The following DLGAP2 variants were observed in gnomAD, a reference collection of about 807,000 sequenced individuals.
DLGAP2 encodes disks large-associated protein 2.
DLGAP2 carries 26 observed loss-of-function variants against 100.3 expected under a neutral mutation model. The ratio of observed to expected loss-of-function variants is 0.26; its 90% CI spans 0.19 to 0.36. DLGAP2 has a LOEUF of 0.36. Among genes scored for constraint, DLGAP2 ranks in the 10% least tolerant of loss-of-function variants. The probability of loss-of-function intolerance (pLI) is 1.00; values close to 1 mark genes in which losing one functional copy is unlikely to be tolerated. For synonymous variants in DLGAP2, 886 were observed against 630.1 expected, an observed-to-expected ratio of 1.41 and a Z score of -6.08; for missense variants, 1,858 against 1,453.2, an observed-to-expected ratio of 1.28 and a Z score of -4.53.
intron 1 of DLGAP2, among the ~76,000 whole-genome samples, chr8:898,015 C>T (rs1391935290): frequency 6.6e-6 from 1 of 151,116 alleles, no homozygotes; most frequent in Non-Finnish European, 1.5e-5. Flanking sequence ...GAGTGAGCTC[C>T]CGCCACGTGT....
intron 3 of DLGAP2, among the ~76,000 whole-genome samples, chr8:1,315,055 G>A (rs1319086072): frequency 6.6e-6 from 1 of 152,208 alleles, no homozygotes; most frequent in Non-Finnish European, 1.5e-5. Flanking sequence ...GGTTTTCTAA[G>A]TGACGCTTTT....
intron 2 of DLGAP2, among the ~76,000 whole-genome samples, chr8:1,110,864 C>CAGGG (rs1363865238): frequency 6.6e-6 from 1 of 152,086 alleles, no homozygotes; most frequent in Non-Finnish European, 1.5e-5. Context: ...GTGCCTGGTG[C>CAGGG]AGGGCTCAGC....
chr8:1,368,327 A>C (rs879576633), intron 3 of DLGAP2, among the ~76,000 whole-genome samples: 9 of 151,254 alleles, frequency 6.0e-5, no homozygotes, highest in Non-Finnish European at 1.2e-4. Context: ...GTGTGTGTGC[A>C]TGCATGTGTG....
chr8:1,207,660 T>C (rs968188350), intron 2 of DLGAP2, among the ~76,000 whole-genome samples: 1 of 152,212 alleles, frequency 6.6e-6, no homozygotes, highest in Non-Finnish European at 1.5e-5. Context: ...TCCGTAGTGG[T>C]TGTACTAGTT....
At chr8:1,228,599 C>A (rs1054602709) in intron 2 of DLGAP2, among the ~76,000 whole-genome samples, 1 of 152,180 alleles carries the variant, frequency 6.6e-6, no homozygotes. Context: ...ACATACCCAA[C>A]TAGATTTTTT....
chr8:1,603,183 T>C (rs1767834746), intron 6 of DLGAP2, among the ~76,000 whole-genome samples: 1 of 139,124 alleles, frequency 7.2e-6, no homozygotes. Flanking sequence ...CTGGTTAGAG[T>C]GGAGGCTGGG....
intron 2 of DLGAP2, among the ~76,000 whole-genome samples, chr8:952,543 G>T (rs565654608): frequency 6.6e-6 from 1 of 152,216 alleles, no homozygotes; most frequent in African/African-American, 2.4e-5. Flanking sequence ...AGGCTGAGGT[G>T]GGAGAATCAT....
intron 1 of DLGAP2, among the ~76,000 whole-genome samples, chr8:837,722 A>G (rs1281293135): frequency 1.3e-5 from 2 of 148,536 alleles, no homozygotes; most frequent in African/African-American, 4.9e-5. Context: ...TATAAAATAT[A>G]TAATTTTTTT....
chr8:1,696,117 G>C (rs1464712222), intron 13 of DLGAP2, among the ~76,000 whole-genome samples: 1 of 152,204 alleles, frequency 6.6e-6, no homozygotes, highest in African/African-American at 2.4e-5. Flanking sequence ...AGCAAATCCA[G>C]TTGAATGTTG....
chr8:1,024,049 G>A (rs62488482), intron 2 of DLGAP2, among the ~76,000 whole-genome samples: 52,006 of 151,706 alleles, frequency 0.34, 10,059 homozygotes, highest in Admixed American at 0.52. Flanking sequence ...TGCCATGTGC[G>A]GTGTGGGGTG....
At chr8:1,422,591 C>T (rs1291097647) in intron 3 of DLGAP2, among the ~76,000 whole-genome samples, 1 of 147,206 alleles carries the variant, frequency 6.8e-6, no homozygotes, top group Non-Finnish European at 1.5e-5. Flanking sequence ...GTGGGTGGAA[C>T]AGACAGGGTG....
chr8:989,334 G>C (rs1800583614), intron 2 of DLGAP2, among the ~76,000 whole-genome samples: 1 of 152,282 alleles, frequency 6.6e-6, no homozygotes, highest in Admixed American at 6.5e-5. Flanking sequence ...AGGGCCTGAG[G>C]GAGGGGCTGT....
intron 1 of DLGAP2, among the ~76,000 whole-genome samples, chr8:882,243 T>A (rs1348802643): frequency 2.0e-5 from 3 of 152,018 alleles, no homozygotes; most frequent in Admixed American, 2.0e-4. Context: ...ATCAGAGATC[T>A]GCGGAGGCCT....
chr8:1,417,199 G>A (rs1045043670), intron 3 of DLGAP2, among the ~76,000 whole-genome samples: 15 of 106,530 alleles, frequency 1.4e-4, no homozygotes, highest in African/African-American at 6.4e-4. Context: ...AGGCGGGGGA[G>A]ACTCTGAGTG....
intron 3 of DLGAP2, among the ~76,000 whole-genome samples, chr8:1,296,828 G>A (rs1019049133): frequency 1.8e-4 from 28 of 152,306 alleles, no homozygotes; most frequent in East Asian, 1.3e-3. Flanking sequence ...AGCGGCCCCC[G>A]AACCACACAG....
intron 1 of DLGAP2, among the ~76,000 whole-genome samples, chr8:833,982 C>A (rs1468528466): frequency 6.6e-6 from 1 of 152,196 alleles, no homozygotes; most frequent in African/African-American, 2.4e-5. Context: ...TTCATTGGTG[C>A]AGTGGGCTCG....
At chr8:1,002,300 C>G (rs1369974565) in intron 2 of DLGAP2, 3 of 152,140 alleles carry the variant, frequency 2.0e-5, no homozygotes, top group African/African-American at 4.8e-5. Context: ...GGTCTGTGAC[C>G]TCATCTATAA....
At chr8:890,007 C>A (rs1015040216) in intron 1 of DLGAP2, among the ~76,000 whole-genome samples, 2 of 152,098 alleles carry the variant, frequency 1.3e-5, no homozygotes, top group Admixed American at 6.5e-5. Flanking sequence ...AAGGGACTCC[C>A]CTTCCCCGTG....
intron 2 of DLGAP2, among the ~76,000 whole-genome samples, chr8:1,180,145 CCTT>C (rs1563234781): frequency 6.6e-6 from 1 of 152,200 alleles, no homozygotes. Flanking sequence ...TGAACTTCCT[CCTT>C]TTCCAAACTG....
Sources: allele counts gnomAD v4.1 joint callset (sites outside exome capture counted in the v4.1 genomes callset), GRCh38; gene constraint gnomAD v4.1.1; transcripts MANE v1.5; gene names NCBI Gene and HGNC (gene_info 2026-07-23, HGNC 2026-07-21).